LGSN: variants seen among roughly 807,000 people sequenced by gnomAD.
The protein encoded by LGSN is lengsin.
A neutral mutation model predicts 19.5 loss-of-function variants in LGSN; 21 were observed. The ratio of observed to expected loss-of-function variants is 1.07; its 90% CI spans 0.76 to 1.55. The LOEUF (loss-of-function observed/expected upper bound fraction) is 1.55. LGSN is among the 40% of genes most tolerant of loss of function. The probability of loss-of-function intolerance (pLI) is 0.00; values close to 1 mark genes in which losing one functional copy is unlikely to be tolerated. For missense variants in LGSN, 673 were observed against 608.5 expected (o/e 1.11, Z -1.12); for synonymous variants, 257 against 215.6 (o/e 1.19, Z -1.68).
chr6:63,403,197 T>C, the LGSN span, among the ~76,000 whole-genome samples: 6 of 152,144 alleles, frequency 3.9e-5, no homozygotes, highest in Admixed American at 2.6e-4. Context: ...GTCTAGGAAT[T>C]CTTTGAAAAA....
At chr6:63,443,211 G>A in the LGSN span, among the ~76,000 whole-genome samples, 32 of 152,214 alleles carry the variant, frequency 2.1e-4, no homozygotes, top group East Asian at 9.7e-4. Context: ...ATTGCCCAGC[G>A]CCAGTGGCGC....
At chr6:63,292,217 G>T (rs1424630671) in intron 2 of LGSN, among the ~76,000 whole-genome samples, 4 of 152,146 alleles carry the variant, frequency 2.6e-5, no homozygotes, top group Non-Finnish European at 5.9e-5. Context: ...TTCAGCCTTG[G>T]AAAACCTGAA....
intron 2 of LGSN, among the ~76,000 whole-genome samples, chr6:63,288,230 A>AAATAAAT (rs1767619264): frequency 1.4e-4 from 20 of 138,490 alleles, no homozygotes; most frequent in African/African-American, 4.9e-4. Flanking sequence ...CCATCTCAAA[A>AAATAAAT]AAATAAATAA....
chr6:63,553,846 GGAGTACAATTAACGTATTT>G, the LGSN span, among the ~76,000 whole-genome samples: 1 of 152,138 alleles, frequency 6.6e-6, no homozygotes, highest in Non-Finnish European at 1.5e-5. Flanking sequence ...TAATTGTAAT[GGAGTACAATTAACGTATTT>G]GAGTCAGGTT....
chr6:63,530,843 A>C, the LGSN span, among the ~76,000 whole-genome samples: 1 of 152,208 alleles, frequency 6.6e-6, no homozygotes, highest in African/African-American at 2.4e-5. Flanking sequence ...GTAGTACCTT[A>C]AAACATCCAA....
the LGSN span, among the ~76,000 whole-genome samples, chr6:63,479,827 G>T: frequency 1.3e-5 from 2 of 152,096 alleles, no homozygotes. Flanking sequence ...AATTGATTTG[G>T]CCATACTTAC....
At chr6:63,444,319 G>A in the LGSN span, among the ~76,000 whole-genome samples, 4 of 152,158 alleles carry the variant, frequency 2.6e-5, no homozygotes, top group Non-Finnish European at 5.9e-5. Context: ...AACTCAGGGA[G>A]GCTAGCTTCA....
At chr6:63,379,388 T>C in the LGSN span, among the ~76,000 whole-genome samples, 1 of 152,144 alleles carries the variant, frequency 6.6e-6, no homozygotes, top group East Asian at 1.9e-4. Context: ...AGACATCCAG[T>C]GCCATCAGAT....
the LGSN span, among the ~76,000 whole-genome samples, chr6:63,510,695 A>G: frequency 3.3e-5 from 4 of 122,450 alleles, no homozygotes; most frequent in Non-Finnish European, 4.8e-5. Flanking sequence ...TTTTGTTGAG[A>G]CAGAGTCTCG....
the LGSN span, among the ~76,000 whole-genome samples, chr6:63,485,642 C>T: frequency 1.3e-5 from 2 of 152,178 alleles, no homozygotes; most frequent in Non-Finnish European, 2.9e-5. Flanking sequence ...CTAATTTAGA[C>T]TCCCACCAAC....
chr6:63,301,989 A>G (rs1440904305), intron 1 of LGSN, among the ~76,000 whole-genome samples: 2 of 152,174 alleles, frequency 1.3e-5, no homozygotes, highest in Admixed American at 1.3e-4. Context: ...CAAATTTCAA[A>G]TTCTAAAATT....
the LGSN span, among the ~76,000 whole-genome samples, chr6:63,483,028 A>G: frequency 6.6e-6 from 1 of 152,110 alleles, no homozygotes; most frequent in Non-Finnish European, 1.5e-5. Flanking sequence ...ATCTTTGACC[A>G]CTTACTGCAT....
the LGSN span, among the ~76,000 whole-genome samples, chr6:63,401,399 C>CA: frequency 0.035 from 3,419 of 98,440 alleles, 38 homozygotes; most frequent in Non-Finnish European, 0.045. Context: ...AAATCTGTCT[C>CA]AAAAAAAAAA....
the LGSN span, among the ~76,000 whole-genome samples, chr6:63,414,066 T>C: frequency 6.6e-6 from 1 of 152,162 alleles, no homozygotes; most frequent in African/African-American, 2.4e-5. Context: ...AACACTGTAC[T>C]TCCTCTCCCA....
At chr6:63,362,107 C>A in the LGSN span, among the ~76,000 whole-genome samples, 1 of 152,200 alleles carries the variant, frequency 6.6e-6, no homozygotes, top group African/African-American at 2.4e-5. Flanking sequence ...CTTATGATAA[C>A]AATACCTTCT....
chr6:63,429,871 T>C, the LGSN span, among the ~76,000 whole-genome samples: 277 of 152,270 alleles, frequency 1.8e-3, no homozygotes, highest in African/African-American at 6.3e-3. Context: ...CCTTCATGCC[T>C]ATTGCCTCAT....
chr6:63,486,786 G>C, the LGSN span, among the ~76,000 whole-genome samples: 1 of 142,716 alleles, frequency 7.0e-6, no homozygotes, highest in Non-Finnish European at 1.5e-5. Context: ...CCCAGGCTCC[G>C]GTGATCCCCC....
chr6:63,358,197 T>C, the LGSN span, among the ~76,000 whole-genome samples: 56 of 152,348 alleles, frequency 3.7e-4, no homozygotes, highest in African/African-American at 1.3e-3. Context: ...TCCATATCTA[T>C]GTTTTGCTAC....
chr6:63,349,345 G>A, the LGSN span, among the ~76,000 whole-genome samples: 1 of 152,188 alleles, frequency 6.6e-6, no homozygotes, highest in Non-Finnish European at 1.5e-5. Context: ...TGTAGCTGAT[G>A]AGAAACATGG....
Sources: allele counts gnomAD v4.1 joint callset (sites outside exome capture counted in the v4.1 genomes callset), GRCh38; gene constraint gnomAD v4.1.1; transcripts MANE v1.5; gene names NCBI Gene and HGNC (gene_info 2026-07-23, HGNC 2026-07-21).